Variants in DACH1 observed in about 807,000 individuals in gnomAD.
DACH1 encodes the protein dachshund family transcription factor 1.
DACH1 carries 12 observed loss-of-function variants against 54.2 expected under a neutral mutation model. That is an observed-to-expected ratio of 0.22 (90% CI 0.14 to 0.36). The LOEUF (loss-of-function observed/expected upper bound fraction) is 0.36, where lower values mean the gene tolerates loss of function less well. Among genes scored for constraint, DACH1 ranks in the 10% least tolerant of loss-of-function variants. The pLI, the probability that DACH1 is intolerant of heterozygous loss-of-function variation, is 1.00. For missense variants in DACH1, 805 were observed against 929.8 expected (o/e 0.87, Z 1.75); for synonymous variants, 386 against 366.2 (o/e 1.05, Z -0.62).
intron 3 of DACH1, chr13:71,573,580 G>A (rs1566351645): frequency 9.6e-6 from 5 of 520,336 alleles, no homozygotes; most frequent in South Asian, 3.1e-5. Flanking sequence ...CTGCCTGTGG[G>A]GAATGAATAT....
chr13:71,784,487 T>C (rs1284512244), intron 1 of DACH1, among the ~76,000 whole-genome samples: 2 of 152,152 alleles, frequency 1.3e-5, no homozygotes, highest in African/African-American at 4.8e-5. Context: ...TATTTTCCTT[T>C]CTGTTCATGT....
intron 6 of DACH1, among the ~76,000 whole-genome samples, chr13:71,490,182 CA>C (rs1240351621): frequency 6.6e-6 from 1 of 152,160 alleles, no homozygotes; most frequent in Admixed American, 6.5e-5. Flanking sequence ...CTCAATTTTG[CA>C]AGTAGCTAAA....
At chr13:71,800,106 C>T (rs1264059962) in intron 1 of DACH1, among the ~76,000 whole-genome samples, 2 of 152,028 alleles carry the variant, frequency 1.3e-5, no homozygotes, top group African/African-American at 4.8e-5. Flanking sequence ...AAGTGAGTTG[C>T]TTGAACTCTC....
intron 7 of DACH1, among the ~76,000 whole-genome samples, chr13:71,484,742 C>T (rs1276942700): frequency 1.3e-5 from 2 of 152,156 alleles, no homozygotes; most frequent in Non-Finnish European, 2.9e-5. Flanking sequence ...AATTTGTTCA[C>T]AACCCTATGT....
chr13:71,517,812 T>C (rs565112631), intron 6 of DACH1, among the ~76,000 whole-genome samples: 1 of 152,018 alleles, frequency 6.6e-6, no homozygotes. Flanking sequence ...TCAATCTCTA[T>C]CAAGCAAATT....
intron 2 of DACH1, among the ~76,000 whole-genome samples, chr13:71,649,620 A>G (rs2138619298): frequency 6.6e-6 from 1 of 152,314 alleles, no homozygotes; most frequent in Admixed American, 6.5e-5. Flanking sequence ...CCATATAGAA[A>G]CTAATTTTAA....
intron 6 of DACH1, among the ~76,000 whole-genome samples, chr13:71,500,583 C>T (rs1305344279): frequency 6.6e-6 from 1 of 152,280 alleles, no homozygotes; most frequent in East Asian, 1.9e-4. Flanking sequence ...ACCTCATCTA[C>T]ATTCTTCATT....
chr13:71,668,151 C>T (rs1376149465), intron 2 of DACH1, among the ~76,000 whole-genome samples: 1 of 151,824 alleles, frequency 6.6e-6, no homozygotes, highest in Admixed American at 6.6e-5. Context: ...ACTTTGGGAA[C>T]TAAACATTTT....
At chr13:71,607,918 T>A (rs1463187140) in intron 3 of DACH1, among the ~76,000 whole-genome samples, 2 of 151,954 alleles carry the variant, frequency 1.3e-5, no homozygotes, top group African/African-American at 2.4e-5. Flanking sequence ...ATTCCCTCAG[T>A]TTAGGAATGA....
At chr13:71,485,691 T>A (rs1878444964) in intron 7 of DACH1, among the ~76,000 whole-genome samples, 1 of 146,220 alleles carries the variant, frequency 6.8e-6, no homozygotes, top group African/African-American at 2.5e-5. Context: ...CAAGTGATTC[T>A]CCAGCCTCAG....
intron 2 of DACH1, among the ~76,000 whole-genome samples, chr13:71,664,633 T>A (rs1052553030): frequency 3.0e-4 from 46 of 151,970 alleles, no homozygotes; most frequent in African/African-American, 1.1e-3. Flanking sequence ...GTGTACCACA[T>A]TTTCAAAAAT....
intron 3 of DACH1, among the ~76,000 whole-genome samples, chr13:71,617,985 C>A (rs1428627486): frequency 6.6e-6 from 1 of 152,104 alleles, no homozygotes; most frequent in African/African-American, 2.4e-5. Flanking sequence ...TATCCATTAA[C>A]ATTTTAGCTG....
chr13:71,696,964 G>T (rs1881866792), intron 1 of DACH1, among the ~76,000 whole-genome samples: 1 of 152,148 alleles, frequency 6.6e-6, no homozygotes, highest in South Asian at 2.1e-4. Context: ...TGCTGTTGCT[G>T]CTGCTTAGAA....
chr13:71,748,860 T>C (rs1431534941), intron 1 of DACH1, among the ~76,000 whole-genome samples: 1 of 23,550 alleles, frequency 4.2e-5, no homozygotes, highest in Non-Finnish European at 1.9e-4. Flanking sequence ...CTTTCTTTCT[T>C]TCTTTCTTTC....
At chr13:71,540,850 G>T in intron 6 of DACH1, among the ~76,000 whole-genome samples, 1 of 151,964 alleles carries the variant, frequency 6.6e-6, no homozygotes, top group Admixed American at 6.6e-5. Flanking sequence ...AAAATGGAAA[G>T]AAATTTTAAA....
chr13:71,442,660 T>C (rs184465288), intron 10 of DACH1, among the ~76,000 whole-genome samples: 51 of 152,262 alleles, frequency 3.3e-4, no homozygotes, highest in African/African-American at 1.1e-3. Context: ...CCTGAAATCA[T>C]GGATAGTACC....
intron 1 of DACH1, among the ~76,000 whole-genome samples, chr13:71,808,456 C>CA (rs1887593990): frequency 6.6e-6 from 1 of 151,956 alleles, no homozygotes; most frequent in Non-Finnish European, 1.5e-5. Context: ...TAGTAGTTTG[C>CA]AAAGAATTTT....
chr13:71,449,406 G>A (rs1874802672), intron 10 of DACH1, among the ~76,000 whole-genome samples: 1 of 152,062 alleles, frequency 6.6e-6, no homozygotes, highest in Non-Finnish European at 1.5e-5. Context: ...TGAAATCAGA[G>A]TAGATAATGT....
chr13:71,839,766 T>C (rs1213470712), intron 1 of DACH1, among the ~76,000 whole-genome samples: 1 of 152,158 alleles, frequency 6.6e-6, no homozygotes, highest in Non-Finnish European at 1.5e-5. Flanking sequence ...ATGGATTATT[T>C]ATGTTCACTA....
Sources: gnomAD v4.1 joint callset for allele counts (sites outside exome capture counted in the v4.1 genomes callset) on GRCh38, gnomAD v4.1.1 for gene constraint, MANE v1.5 for transcripts, NCBI Gene and HGNC (gene_info 2026-07-23, HGNC 2026-07-21) for gene names.